The following HIPK2 variants were observed in gnomAD, a reference collection of about 807,000 sequenced individuals.
HIPK2 encodes the protein homeodomain-interacting protein kinase 2.
A neutral mutation model predicts 113.7 loss-of-function variants in HIPK2; 27 were observed. That is an observed-to-expected ratio of 0.24 (90% CI 0.17 to 0.33). The LOEUF is 0.33. Among genes scored for constraint, HIPK2 ranks in the 10% least tolerant of loss-of-function variants. HIPK2 has a pLI of 1.00. For missense variants in HIPK2, 1,257 were observed against 1,588.0 expected, an observed-to-expected ratio of 0.79 and a Z score of 3.54; for synonymous variants, 631 against 642.2, an observed-to-expected ratio of 0.98 and a Z score of 0.26.
intron 2 of HIPK2, among the ~76,000 whole-genome samples, chr7:139,638,656 CT>C (rs1184555180): frequency 0.074 from 9,670 of 130,164 alleles, 299 homozygotes; most frequent in African/African-American, 0.13. Context: ...AAATAATTGT[CT>C]TTTTTTTTTT....
rs902846391 is a variant in HIPK2, at chr7:139,572,280, C to G, written c.*647G>C. On this transcript the variant is annotated 3_prime_UTR_variant, in exon 15 of 15. Transcript: ENST00000406875. ...CCCCGTCTTTCCTGACTAGGGAGCC[C>G]GGACTGGGCTTCGCCAATCCCACAC... is the stretch of plus-strand genomic sequence containing the variant. 1 of 152,238 alleles carries G rather than the reference C, an allele frequency of 6.6e-6. No individual in the cohort carries two copies. The highest frequency in any genetic ancestry group is 2.4e-5 in the African/African-American group (1 of 41,474). The allele number at this position is 152,238 out of a possible 1,614,324, so 9.4% of individuals were successfully genotyped here.
In HIPK2 at chr7:139,618,328, A is replaced by C. The variant is rs934734659; in HGVS notation, c.1782+2073T>G. ...AGTGCTTAAGGCTAGGTGTGTCCTG[A>C]GTAATTTTTTTTTCCTGATGTATTC... On this transcript the variant is annotated intron_variant, in intron 7 of 14. Coordinates refer to ENST00000406875, the MANE Select transcript of HIPK2 (RefSeq NM_022740.5). Among the ~76,000 whole-genome samples, 7 of 151,914 alleles carry C rather than the reference A, an allele frequency of 4.6e-5. No individual in the cohort carries two copies. The East Asian group carries it at 1.4e-3, about 29-fold the overall frequency.
rs191066050 is a variant in HIPK2 at position 139,752,797 on chromosome 7, C to T, written c.19+24808G>A. Among the ~76,000 whole-genome samples, 381 of 152,094 alleles carry T rather than the reference C, an allele frequency of 2.5e-3. 1 individual carries two copies. Among genetic ancestry groups the T allele is most frequent in the Non-Finnish European group, 2.7e-3 (181 of 68,002 alleles). Reference sequence around the variant, plus strand: ...ATGGAGAACCGGCCACACAGCCCTGCTGAAGCATGAGGGATTTTCCTTCCC... The same window carrying T: ...ATGGAGAACCGGCCACACAGCCCTGTTGAAGCATGAGGGATTTTCCTTCCC... On this transcript the variant is annotated intron_variant, in intron 1 of 14. Transcript: ENST00000406875.
chr7:139,619,223 A>T (rs1800155859), intron 7 of HIPK2, among the ~76,000 whole-genome samples: 1 of 152,198 alleles, frequency 6.6e-6, no homozygotes, highest in Non-Finnish European at 1.5e-5. Context: ...GTGACTCTTC[A>T]GTGACAGGAG....
intron 14 of HIPK2, among the ~76,000 whole-genome samples, chr7:139,574,452 T>C (rs952297852): frequency 3.3e-5 from 5 of 152,202 alleles, no homozygotes; most frequent in African/African-American, 1.2e-4. Flanking sequence ...CTCTTCTACC[T>C]GGTGAACCTA....
At chr7:139,665,514 G>T (rs763726243) in intron 2 of HIPK2, among the ~76,000 whole-genome samples, 4 of 152,038 alleles carry the variant, frequency 2.6e-5, no homozygotes, top group Non-Finnish European at 5.9e-5. Context: ...TGCATGCGCT[G>T]ACCTGGCTCT....
rs1800569008 is a variant in HIPK2 at position 139,630,425 on chromosome 7, TCTCA to T, written c.1347+736_1347+739del. Reference sequence around the variant, plus strand: ...TTCCTTTTCTTTTTTTGAGACACAGTCTCACTCTGTCGCCCAGGCTGGAGTGCAG... The same window carrying T: ...TTCCTTTTCTTTTTTTGAGACACAGTCTCTGTCGCCCAGGCTGGAGTGCAG... On this transcript the variant is annotated intron_variant, in intron 4 of 14. Coordinates refer to ENST00000406875, the MANE Select transcript of HIPK2 (RefSeq NM_022740.5). This position sits in a 1 kb window ranked among gnomAD's most constrained non-coding sequence, Gnocchi z 4.0. 6.6e-6 allele frequency among the ~76,000 whole-genome samples: 1 copy of T among 152,158 alleles called. No individual in the cohort carries two copies. The highest frequency in any genetic ancestry group is 2.1e-4 in the South Asian group (1 of 4,828).
rs1451005912 is a variant in HIPK2, at chr7:139,572,324, T to G, written c.*603A>C. The G allele has an allele frequency of 6.6e-6, 1 of 152,214 alleles. No individual in the cohort carries two copies. The highest frequency in any genetic ancestry group is 2.4e-5 in the African/African-American group (1 of 41,464). The allele number at this position is 152,214 out of a possible 1,614,324, so 9.4% of individuals were successfully genotyped here. A position where few individuals can be genotyped will look rare whatever the true frequency, so the allele number is the denominator to read the frequency against. On this transcript the variant is annotated 3_prime_UTR_variant, in exon 15 of 15. Coordinates refer to ENST00000406875, the MANE Select transcript of HIPK2 (RefSeq NM_022740.5). ...CCCACACCAGCTCCAAACATCAGCC[T>G]CCTCAGGCTGCAGCCCGACATTCTG...
chr7:139,696,752 C>G (rs1794579764), intron 2 of HIPK2, among the ~76,000 whole-genome samples: 2 of 152,072 alleles, frequency 1.3e-5, no homozygotes, highest in Non-Finnish European at 2.9e-5. Flanking sequence ...GGGGAAGAGT[C>G]ACACAGGCTG....
At chr7:139,634,287 C>T (rs560445057) in intron 2 of HIPK2, among the ~76,000 whole-genome samples, 10 of 152,146 alleles carry the variant, frequency 6.6e-5, no homozygotes, top group African/African-American at 1.9e-4. Flanking sequence ...TTGTCCCCAT[C>T]GCCTGCTGCT....
intron 2 of HIPK2, among the ~76,000 whole-genome samples, chr7:139,711,268 A>T (rs1311554483): frequency 6.6e-6 from 1 of 152,106 alleles, no homozygotes; most frequent in East Asian, 1.9e-4. Context: ...TCTACTAAAA[A>T]TACAAAAAAA....
chr7:139,604,911 G>C (rs554426875), intron 9 of HIPK2, among the ~76,000 whole-genome samples: 5 of 152,164 alleles, frequency 3.3e-5, no homozygotes, highest in African/African-American at 1.2e-4. Context: ...CTAGATGAGG[G>C]TGACCGCTGG....
chr7:139,615,549 C>T (rs1280352686), intron 7 of HIPK2, among the ~76,000 whole-genome samples: 2 of 152,166 alleles, frequency 1.3e-5, no homozygotes, highest in Non-Finnish European at 2.9e-5. Context: ...CTCCAGTTTC[C>T]CCTATCTTAG....
At chr7:139,633,675 T>G (rs1585304589) in intron 2 of HIPK2, among the ~76,000 whole-genome samples, 1 of 148,738 alleles carries the variant, frequency 6.7e-6, no homozygotes, top group African/African-American at 2.5e-5. Context: ...TTAGGCGCAG[T>G]GGTTCAGGCC....
At chr7:139,597,863 A>C (rs1799276947) in intron 11 of HIPK2, among the ~76,000 whole-genome samples, 1 of 152,210 alleles carries the variant, frequency 6.6e-6, no homozygotes, top group Admixed American at 6.5e-5. Context: ...TGACTCTGGC[A>C]CAGGGTGAAC....
chr7:139,621,572 G>A (rs975568473), intron 6 of HIPK2, among the ~76,000 whole-genome samples: 2 of 152,116 alleles, frequency 1.3e-5, no homozygotes, highest in Admixed American at 6.5e-5. Context: ...TTTATACAGC[G>A]CTTCTCATTC....
intron 5 of HIPK2, among the ~76,000 whole-genome samples, chr7:139,628,725 T>A (rs1396986031): frequency 6.6e-6 from 1 of 152,220 alleles, no homozygotes; most frequent in African/African-American, 2.4e-5. Flanking sequence ...TGAGCCACCA[T>A]GCCTGGCCAA....
chr7:139,588,579 T>A (rs1254187878), intron 12 of HIPK2, among the ~76,000 whole-genome samples: 1 of 151,512 alleles, frequency 6.6e-6, no homozygotes, highest in Non-Finnish European at 1.5e-5. Flanking sequence ...AAATATTTTA[T>A]AAATATAAAT....
intron 2 of HIPK2, among the ~76,000 whole-genome samples, chr7:139,703,168 T>TAA (rs1794763181): frequency 6.6e-6 from 1 of 152,144 alleles, no homozygotes; most frequent in African/African-American, 2.4e-5. Context: ...TCATTAGGGG[T>TAA]AAATAGATTT....
Sources: allele counts gnomAD v4.1 joint callset (sites outside exome capture counted in the v4.1 genomes callset), GRCh38; gene constraint gnomAD v4.1.1; non-coding constraint Gnocchi (gnomAD v3.1); transcripts MANE v1.5; gene names NCBI Gene and HGNC (gene_info 2026-07-23, HGNC 2026-07-21).